ASCC3: variants seen among roughly 807,000 people sequenced by gnomAD.
The protein encoded by ASCC3 is activating signal cointegrator 1 complex subunit 3.
Under a neutral mutation model 256.3 loss-of-function variants are expected in ASCC3, and 158 were observed. That is an observed-to-expected ratio of 0.62 (90% CI 0.54 to 0.70). The LOEUF (loss-of-function observed/expected upper bound fraction) is 0.70, where lower values mean the gene tolerates loss of function less well. Ranked by LOEUF, ASCC3 falls within the 30% of genes least tolerant of loss-of-function variation. ASCC3 has a pLI of 0.00. For missense variants in ASCC3, 2,259 were observed against 2,626.0 expected (o/e 0.86, Z 3.05); for synonymous variants, 948 against 883.4 (o/e 1.07, Z -1.30).
At chr6:100,816,555 C>T (rs1010328673) in intron 4 of ASCC3, among the ~76,000 whole-genome samples, 1 of 152,144 alleles carries the variant, frequency 6.6e-6, no homozygotes, top group Admixed American at 6.6e-5. Context: ...GGTACATATA[C>T]ATTATGGAAT....
At chr6:100,805,717 A>C in intron 5 of ASCC3, 43 bp downstream of exon 5, 1 of 1,598,148 alleles carries the variant, frequency 6.3e-7, no homozygotes, top group South Asian at 1.1e-5. Flanking sequence ...CTAACCAATG[A>C]ATATTTCCTT....
intron 30 of ASCC3, among the ~76,000 whole-genome samples, chr6:100,622,087 T>A (rs942978436): frequency 3.3e-5 from 5 of 151,918 alleles, no homozygotes; most frequent in Non-Finnish European, 7.4e-5. Flanking sequence ...CTGTTGAGGA[T>A]GGTGGGAGGG....
At chr6:100,616,235 C>T (rs1164288650) in intron 30 of ASCC3, among the ~76,000 whole-genome samples, 1 of 152,124 alleles carries the variant, frequency 6.6e-6, no homozygotes, top group Non-Finnish European at 1.5e-5. Flanking sequence ...TAGTTCATCT[C>T]TGTAGGTCTA....
At position 100,650,519 on chromosome 6, in the gene ASCC3, A is replaced by C; in HGVS notation, c.3252+19T>G. ...ATATATTCAAGGAAGAGAAAACTGG[A>C]AGGGAATAAGATACTTACCTGTGCA... On this transcript the variant is annotated intron_variant, in intron 20 of 41. Coordinates refer to ENST00000369162, the MANE Select transcript of ASCC3 (RefSeq NM_006828.4). 6.2e-7 allele frequency: 1 copy of C among 1,610,934 alleles called. No homozygotes were observed. Among genetic ancestry groups the C allele is most frequent in the South Asian group, 1.1e-5 (1 of 90,996 alleles).
chr6:100,627,572 C>T lies in ASCC3; in HGVS notation c.4642+18G>A. On this transcript the variant is annotated intron_variant, in intron 29 of 41. Transcript: ENST00000369162. ...ATAAACAATGGTTACTATTTTATTC[C>T]AAGAATCTGAAGCTTACCCTGAAAT... is the stretch of plus-strand genomic sequence containing the variant. 1.2e-6 allele frequency: 2 copies of T among 1,612,614 alleles called. No individual in the cohort carries two copies. The highest frequency in any genetic ancestry group is 1.7e-6 in the Non-Finnish European group (2 of 1,179,326).
intron 14 of ASCC3, among the ~76,000 whole-genome samples, chr6:100,679,104 T>C (rs1233735853): frequency 1.3e-5 from 2 of 152,152 alleles, no homozygotes; most frequent in African/African-American, 4.8e-5. Context: ...GGTCTCCCTT[T>C]TTAAAAGGAT....
At chr6:100,662,821 C>T (rs1457766930) in intron 14 of ASCC3, among the ~76,000 whole-genome samples, 1 of 152,044 alleles carries the variant, frequency 6.6e-6, no homozygotes, top group Non-Finnish European at 1.5e-5. Flanking sequence ...ATCAGTATTA[C>T]CTGTTTCTTA....
intron 37 of ASCC3, among the ~76,000 whole-genome samples, chr6:100,529,281 T>C (rs1283035718): frequency 6.6e-6 from 1 of 152,196 alleles, no homozygotes. Flanking sequence ...AACAATCTGA[T>C]CTTTCTCTCA....
At chr6:100,876,537 T>C (rs1774012184) in intron 1 of ASCC3, among the ~76,000 whole-genome samples, 7 of 152,160 alleles carry the variant, frequency 4.6e-5, no homozygotes, top group African/African-American at 2.4e-5. Flanking sequence ...ACTTTAGGCC[T>C]AGATGAAAGG....
intron 13 of ASCC3, among the ~76,000 whole-genome samples, chr6:100,708,632 G>A (rs796509838): frequency 1.5e-4 from 23 of 152,166 alleles, no homozygotes; most frequent in African/African-American, 5.5e-4. Context: ...GTAGAGACCA[G>A]GGATGCTGCT....
At chr6:100,561,041 C>T (rs1769917310) in intron 36 of ASCC3, among the ~76,000 whole-genome samples, 1 of 151,312 alleles carries the variant, frequency 6.6e-6, no homozygotes, top group Non-Finnish European at 1.5e-5. Flanking sequence ...CAACCAACCA[C>T]TTGTTTTATA....
Position 100,629,151 on chromosome 6 carries a change from A to G in ASCC3, c.4239T>C (p.Pro1413=). ...CAGCCTTGGCAATGGATTTCATATC[A>G]GGAGTCACATCCCCTGTTAGTTCAA... ...KVIELTGDVT[P]DMKSIAKADL... The change falls in exon 27 of 42, where the codon CCT becomes CCC. Residue 1413 remains proline (P), a synonymous_variant. Coordinates refer to ENST00000369162, the MANE Select transcript of ASCC3 (RefSeq NM_006828.4). 6.2e-7 allele frequency: 1 copy of G among 1,613,708 alleles called. No individual in the cohort carries two copies. Among genetic ancestry groups the G allele is most frequent in the South Asian group, 1.1e-5 (1 of 91,050 alleles).
intron 14 of ASCC3, among the ~76,000 whole-genome samples, chr6:100,676,173 C>A (rs940752172): frequency 6.6e-6 from 1 of 151,750 alleles, no homozygotes; most frequent in South Asian, 2.1e-4. Context: ...TATCCTTTTG[C>A]CATTTTAAAA....
At chr6:100,632,082 A>C (rs1224779293) in intron 25 of ASCC3, among the ~76,000 whole-genome samples, 2 of 151,500 alleles carry the variant, frequency 1.3e-5, no homozygotes, top group Admixed American at 6.6e-5. Flanking sequence ...TAAATACTAC[A>C]TAAAAAAACT....
intron 34 of ASCC3, among the ~76,000 whole-genome samples, chr6:100,597,906 G>A (rs566656693): frequency 1.1e-4 from 16 of 150,152 alleles, no homozygotes; most frequent in African/African-American, 3.7e-4. Context: ...CTCAGGAGGT[G>A]GAGCTTGCAG....
Position 100,642,680 on chromosome 6 carries a change from A to G in ASCC3, c.3802T>C (p.Tyr1268His). Reference sequence around the variant, plus strand: ...CATCTATCAGACACTGCTCGGATGTAGTATTGGGAAGGCAAAGGCTCAAAA... The same window carrying G: ...CATCTATCAGACACTGCTCGGATGTGGTATTGGGAAGGCAAAGGCTCAAAA... ...PIFEPLPSQY[Y>H]IRAVSDRWLG... The change falls in exon 24 of 42, where the codon TAC (tyrosine) becomes CAC (histidine). Residue 1268 changes from tyrosine to histidine, a missense_variant. Tyr to His is a moderately conservative substitution (Grantham distance 83, BLOSUM62 2). This residue lies in a region of ASCC3 where 1,839 missense variants were observed against 2,206.7 expected (regional missense o/e 0.83). Transcript: ENST00000369162. 6.2e-7 allele frequency: 1 copy of G among 1,613,942 alleles called. No homozygotes were observed. Among genetic ancestry groups the G allele is most frequent in the Non-Finnish European group, 8.5e-7 (1 of 1,179,838 alleles).
At chr6:100,736,530 T>C (rs1780178162) in intron 10 of ASCC3, among the ~76,000 whole-genome samples, 1 of 152,056 alleles carries the variant, frequency 6.6e-6, no homozygotes, top group Non-Finnish European at 1.5e-5. Context: ...TTTAAGACAT[T>C]GTCACATAAT....
chr6:100,749,467 A>C (rs1322132310), intron 10 of ASCC3, among the ~76,000 whole-genome samples: 1 of 152,010 alleles, frequency 6.6e-6, no homozygotes, highest in African/African-American at 2.4e-5. Context: ...ATCCTTTTAG[A>C]ATCAGAAAAA....
chr6:100,632,097 G>T (rs1178258391), intron 25 of ASCC3, among the ~76,000 whole-genome samples: 5 of 135,952 alleles, frequency 3.7e-5, no homozygotes, highest in African/African-American at 1.1e-4. Flanking sequence ...AAAACTGTTA[G>T]AATTAATAAA....
Sources: allele counts gnomAD v4.1 joint callset (sites outside exome capture counted in the v4.1 genomes callset), GRCh38; gene constraint gnomAD v4.1.1; regional missense constraint gnomAD v4.1.1; transcripts MANE v1.5; gene names NCBI Gene and HGNC (gene_info 2026-07-23, HGNC 2026-07-21).